Variants in ATP11C observed in about 807,000 individuals in gnomAD.
ATP11C encodes the protein ATPase phospholipid transporting 11C (ATP11C blood group), also known as phospholipid-transporting ATPase IG.
Under a neutral mutation model 97.4 loss-of-function variants are expected in ATP11C, and 36 were observed. The observed-to-expected ratio is 0.37, with a 90% CI of 0.28 to 0.49. The LOEUF (loss-of-function observed/expected upper bound fraction) is 0.49, where lower values mean the gene tolerates loss of function less well. Ranked by LOEUF, ATP11C falls within the 20% of genes least tolerant of loss-of-function variation. ATP11C has a pLI of 0.98. For missense variants in ATP11C, 730 were observed against 824.6 expected (o/e 0.89, Z 1.40); for synonymous variants, 275 against 290.9 (o/e 0.95, Z 0.56).
At chrX:139,730,505 T>A (rs997531395) in intron 29 of ATP11C, among the ~76,000 whole-genome samples, 1 of 111,521 alleles carries the variant, frequency 9.0e-6, no homozygotes, top group African/African-American at 3.3e-5. Flanking sequence ...ACAGTGCAGA[T>A]GTAGACTGCG....
At chrX:139,730,031 T>C (rs945141432) in intron 29 of ATP11C, among the ~76,000 whole-genome samples, 2 of 111,881 alleles carry the variant, frequency 1.8e-5, no homozygotes, top group African/African-American at 3.2e-5. Context: ...TTAGGTAGTT[T>C]CCTTACCAAC....
intron 1 of ATP11C, among the ~76,000 whole-genome samples, chrX:139,910,554 C>T (rs1222789352): frequency 9.3e-6 from 1 of 107,148 alleles, no homozygotes; most frequent in Admixed American, 1.0e-4. Flanking sequence ...TGCAGTGAGC[C>T]GAGATTCTGC....
intron 26 of ATP11C, 38 bp from the exon 27 acceptor site, chrX:139,741,132 C>A: frequency 1.1e-6 from 1 of 876,691 alleles, no homozygotes; most frequent in South Asian, 2.1e-5. Context: ...ACGACGGTTA[C>A]GAATTGCACC....
At chrX:139,816,718 A>G in intron 4 of ATP11C, 145 bp downstream of exon 4, 1 of 362,441 alleles carries the variant, frequency 2.8e-6, no homozygotes, top group East Asian at 5.6e-5. Context: ...CTATCATTTT[A>G]ATAGGTTTTC....
At chrX:139,924,189 G>A (rs781133248) in intron 1 of ATP11C, 1 of 386,209 alleles carries the variant, frequency 2.6e-6, no homozygotes, top group Non-Finnish European at 5.2e-6. Flanking sequence ...ACGCTAAACT[G>A]GCAGAAACAT....
At chrX:139,737,341 C>T (rs2081464709) in intron 28 of ATP11C, among the ~76,000 whole-genome samples, 1 of 111,528 alleles carries the variant, frequency 9.0e-6, no homozygotes, top group Admixed American at 9.5e-5. Flanking sequence ...TAAAAACACA[C>T]TCATAAAACT....
intron 1 of ATP11C, among the ~76,000 whole-genome samples, chrX:139,897,328 C>A (rs956417608): frequency 2.7e-5 from 3 of 111,174 alleles, no homozygotes; most frequent in Admixed American, 9.7e-5. Context: ...ACTATTTTTT[C>A]TAGTGATAAC....
intron 20 of ATP11C, 72 bp from the exon 21 acceptor site, chrX:139,763,490 T>G: frequency 2.6e-6 from 2 of 763,817 alleles, no homozygotes; most frequent in Non-Finnish European, 3.9e-6. Context: ...TTTAGGGGTT[T>G]ATGCCTCATT....
chrX:139,769,251 G>A (rs1392569093), intron 19 of ATP11C, among the ~76,000 whole-genome samples: 1 of 79,159 alleles, frequency 1.3e-5, no homozygotes, highest in Non-Finnish European at 2.4e-5. Context: ...GCAATATAGG[G>A]AAAAGACAAA....
At chrX:139,904,614 C>A (rs2084947102) in intron 1 of ATP11C, among the ~76,000 whole-genome samples, 1 of 111,667 alleles carries the variant, frequency 9.0e-6, no homozygotes, top group African/African-American at 3.3e-5. Flanking sequence ...TCATTAATTA[C>A]AATTGCAGGA....
chrX:139,808,234 A>G (rs1163876181), intron 5 of ATP11C, among the ~76,000 whole-genome samples: 3 of 111,484 alleles, frequency 2.7e-5, no homozygotes, highest in Non-Finnish European at 5.6e-5. Context: ...AAAAACAACA[A>G]ATTACTCAAA....
intron 4 of ATP11C, 93 bp downstream of exon 4, chrX:139,816,770 C>A (rs1396299027): frequency 3.9e-6 from 2 of 513,031 alleles, no homozygotes; most frequent in African/African-American, 4.9e-5. Flanking sequence ...AGGATACTAC[C>A]CACTGTATAT....
rs1299896439 is a variant in ATP11C, at chrX:139,845,760, C to T, written c.28-18937G>A. On this transcript the variant is annotated intron_variant, in intron 1 of 29. Coordinates refer to ENST00000682941, the MANE Select transcript of ATP11C (RefSeq NM_001353812.2). ...CAAACTACTGTTCTTGGCAAAAGAA[C>T]TCTCGCTAATTTTCTGCAATTCTCA... 3.6e-5 allele frequency among the ~76,000 whole-genome samples: 4 copies of T among 112,292 alleles called. No homozygotes were observed. The East Asian group carries it at 1.1e-3, about 31-fold the overall frequency.
intron 1 of ATP11C, among the ~76,000 whole-genome samples, chrX:139,855,529 G>A (rs1377152883): frequency 9.0e-6 from 1 of 111,522 alleles, no homozygotes; most frequent in East Asian, 2.8e-4. Context: ...TCAAGAAAGC[G>A]CCACCCCCTC....
At chrX:139,792,767 G>A (rs1246258804) in intron 12 of ATP11C, among the ~76,000 whole-genome samples, 2 of 111,752 alleles carry the variant, frequency 1.8e-5, no homozygotes, top group Non-Finnish European at 3.8e-5. Flanking sequence ...AGGGTGGTGC[G>A]CCCAAGGAAG....
chrX:139,800,032 G>T, intron 8 of ATP11C, 28 bp downstream of exon 8: 2 of 1,091,130 alleles, frequency 1.8e-6, no homozygotes, highest in Non-Finnish European at 1.2e-6. Context: ...CCCAACCAAA[G>T]GACAAATTAA....
intron 1 of ATP11C, among the ~76,000 whole-genome samples, chrX:139,842,198 A>G (rs1243672219): frequency 9.0e-6 from 1 of 111,530 alleles, no homozygotes; most frequent in Non-Finnish European, 1.9e-5. Flanking sequence ...CACGCACCTA[A>G]TTTGTTTGTA....
At chrX:139,855,841 G>A (rs780050746) in intron 1 of ATP11C, among the ~76,000 whole-genome samples, 41 of 111,413 alleles carry the variant, frequency 3.7e-4, no homozygotes, top group African/African-American at 1.3e-3. Flanking sequence ...GGGAGATTTC[G>A]ATAAAGACCC....
intron 5 of ATP11C, among the ~76,000 whole-genome samples, chrX:139,807,475 C>T (rs1203166934): frequency 2.7e-5 from 3 of 111,533 alleles, no homozygotes; most frequent in Non-Finnish European, 3.8e-5. Context: ...ACATATACCA[C>T]TGACCTCAGT....
Sources: allele counts gnomAD v4.1 joint callset (sites outside exome capture counted in the v4.1 genomes callset), GRCh38; gene constraint gnomAD v4.1.1; transcripts MANE v1.5; gene names NCBI Gene and HGNC (gene_info 2026-07-23, HGNC 2026-07-21).